The following ATG7 variants were observed in gnomAD, a reference collection of about 807,000 sequenced individuals.
ATG7 encodes autophagy related 7.
ATG7 carries 70 observed loss-of-function variants against 82.4 expected under a neutral mutation model. The ratio of observed to expected loss-of-function variants is 0.85; its 90% CI spans 0.70 to 1.04. ATG7 has a LOEUF of 1.04. ATG7 is among the 50% of genes least tolerant of loss of function. The pLI is 0.00. For synonymous variants in ATG7, 287 were observed against 313.0 expected (o/e 0.92, Z 0.88); for missense variants, 792 against 864.3 (o/e 0.92, Z 1.05).
intron 11 of ATG7, among the ~76,000 whole-genome samples, chr3:11,334,744 G>A (rs1952148122): frequency 6.6e-6 from 1 of 151,270 alleles, no homozygotes. Flanking sequence ...GATCACCTGA[G>A]GTCAGGAGTT....
At chr3:11,559,245 C>T, downstream of ATG7, 2 of 1,452,364 alleles carry the variant, frequency 1.4e-6, no homozygotes, top group Non-Finnish European at 9.1e-7. Context: ...GGCTCAGGGG[C>T]GAGAGGTTTC....
chr3:11,415,364 T>TA (rs1336811973), intron 19 of ATG7, among the ~76,000 whole-genome samples: 1 of 152,172 alleles, frequency 6.6e-6, no homozygotes, highest in African/African-American at 2.4e-5. Flanking sequence ...ACACTAAACT[T>TA]AAAAAATATT....
chr3:11,419,246 A>C (rs1369206843), intron 19 of ATG7, among the ~76,000 whole-genome samples: 9 of 152,170 alleles, frequency 5.9e-5, no homozygotes, highest in Admixed American at 5.9e-4. Flanking sequence ...TCCTGGAGTC[A>C]TTGTTTAAGA....
At chr3:11,447,744 G>T (rs530587625) in intron 20 of ATG7, among the ~76,000 whole-genome samples, 13 of 152,242 alleles carry the variant, frequency 8.5e-5, no homozygotes, top group African/African-American at 3.1e-4. Flanking sequence ...ACTGTGATTG[G>T]CCAGGCCTGG....
chr3:11,479,531 T>C (rs1217557065), intron 20 of ATG7, among the ~76,000 whole-genome samples: 1 of 152,106 alleles, frequency 6.6e-6, no homozygotes, highest in African/African-American at 2.4e-5. Flanking sequence ...ATCTTTCAAC[T>C]AGTCCAAGTC....
At chr3:11,445,077 A>G (rs2084395162) in intron 20 of ATG7, among the ~76,000 whole-genome samples, 2 of 152,234 alleles carry the variant, frequency 1.3e-5, no homozygotes, top group South Asian at 4.1e-4. Flanking sequence ...GTTGTGGTGA[A>G]AAAGGAACGC....
chr3:11,413,986 C>A (rs551479878), intron 19 of ATG7, among the ~76,000 whole-genome samples: 2 of 128,456 alleles, frequency 1.6e-5, no homozygotes, highest in East Asian at 5.3e-4. Flanking sequence ...TTGTCTGTTT[C>A]ATCTAGGTTA....
intron 17 of ATG7, 29 bp downstream of exon 17, chr3:11,362,957 TAAAC>T: frequency 6.3e-7 from 1 of 1,590,746 alleles, no homozygotes; most frequent in Non-Finnish European, 8.6e-7. Context: ...GATGAGTATT[TAAAC>T]AAAGCTTTTG....
intron 3 of ATG7, among the ~76,000 whole-genome samples, chr3:11,293,265 C>T (rs967771614): frequency 6.6e-6 from 1 of 152,136 alleles, no homozygotes; most frequent in East Asian, 1.9e-4. Context: ...TGTGGTGGCT[C>T]ACGCCTGTAA....
At chr3:11,367,556 T>G (rs1267092687) in intron 18 of ATG7, among the ~76,000 whole-genome samples, 1 of 152,156 alleles carries the variant, frequency 6.6e-6, no homozygotes, top group Non-Finnish European at 1.5e-5. Context: ...CTCTCCTCTG[T>G]GTCAGACCTA....
At chr3:11,383,986 T>C (rs888660071) in intron 19 of ATG7, among the ~76,000 whole-genome samples, 1 of 152,110 alleles carries the variant, frequency 6.6e-6, no homozygotes, top group Admixed American at 6.6e-5. Flanking sequence ...TATCAAGATA[T>C]TAGTGTTTTT....
intron 20 of ATG7, among the ~76,000 whole-genome samples, chr3:11,449,409 T>G (rs549387797): frequency 3.9e-5 from 6 of 152,314 alleles, no homozygotes; most frequent in African/African-American, 1.2e-4. Context: ...ATTTGGGGCC[T>G]GTAAGGCCCC....
the ATG7 span, among the ~76,000 whole-genome samples, chr3:11,566,458 T>C: frequency 6.6e-6 from 1 of 152,340 alleles, no homozygotes; most frequent in East Asian, 1.9e-4. Flanking sequence ...GCAATCTCTT[T>C]ATAAGGCAAA....
chr3:11,462,961 C>G (rs1369033186), intron 20 of ATG7, among the ~76,000 whole-genome samples: 1 of 151,812 alleles, frequency 6.6e-6, no homozygotes, highest in African/African-American at 2.4e-5. Flanking sequence ...TCTCTGCTCA[C>G]TGCAACCTCT....
chr3:11,558,199 G>A (rs925808876), downstream of ATG7: 29 of 328,236 alleles, frequency 8.8e-5, no homozygotes, highest in South Asian at 1.6e-4. Flanking sequence ...AGCACAAAGC[G>A]TCTGAGTCAC....
intron 18 of ATG7, among the ~76,000 whole-genome samples, chr3:11,368,737 CAAAA>C (rs11348094): frequency 3.0e-5 from 4 of 132,904 alleles, no homozygotes; most frequent in African/African-American, 2.9e-5. Context: ...GTCCCTGTCT[CAAAA>C]AAAAAAAAAA....
chr3:11,488,522 C>T (rs1197762309), intron 20 of ATG7: 31 of 1,181,252 alleles, frequency 2.6e-5, no homozygotes, highest in East Asian at 2.1e-4. Context: ...GTCCCGGCTC[C>T]GCACTGCCCC....
intron 20 of ATG7, among the ~76,000 whole-genome samples, chr3:11,499,854 G>A (rs1388909555): frequency 6.6e-6 from 1 of 152,044 alleles, no homozygotes; most frequent in African/African-American, 2.4e-5. Flanking sequence ...AGTGCTAGCT[G>A]TTACACAGGT....
chr3:11,372,851 C>CGCGCGT (rs1553633235), intron 18 of ATG7, among the ~76,000 whole-genome samples: 15 of 83,250 alleles, frequency 1.8e-4, no homozygotes, highest in East Asian at 1.2e-3. Flanking sequence ...CGTGCGTGTG[C>CGCGCGT]GTGTGTGTGT....
Sources: allele counts gnomAD v4.1 joint callset (sites outside exome capture counted in the v4.1 genomes callset), GRCh38; gene constraint gnomAD v4.1.1; transcripts MANE v1.5; gene names NCBI Gene and HGNC (gene_info 2026-07-23, HGNC 2026-07-21).